CELSR1: variants seen among roughly 807,000 people sequenced by gnomAD.
The protein encoded by CELSR1 is cadherin EGF LAG seven-pass G-type receptor 1.
A neutral mutation model predicts 249.1 loss-of-function variants in CELSR1; 110 were observed. The observed-to-expected ratio is 0.44, with a 90% CI of 0.38 to 0.52. CELSR1 has a LOEUF of 0.52. Among genes scored for constraint, CELSR1 ranks in the 20% least tolerant of loss-of-function variants. CELSR1 has a pLI of 0.00. For missense variants in CELSR1, 4,109 were observed against 4,296.4 expected, an observed-to-expected ratio of 0.96 and a Z score of 1.22; for synonymous variants, 2,113 against 1,900.0, an observed-to-expected ratio of 1.11 and a Z score of -2.92.
At position 46,410,962 on chromosome 22, in the gene CELSR1, C is replaced by A. The variant is rs1379688173; in HGVS notation, c.4770-401G>T. ...GCCAGAAGAAAATGAGAACCCAGCACTTTGGGAGGCTGAGGCGGGCAGATC... is the reference window on the plus strand; with the variant it reads ...GCCAGAAGAAAATGAGAACCCAGCAATTTGGGAGGCTGAGGCGGGCAGATC... On this transcript the variant is annotated intron_variant, in intron 6 of 34. Coordinates refer to ENST00000674500, the MANE Select transcript of CELSR1 (RefSeq NM_001378328.1). This position sits in a 1 kb window ranked among gnomAD's most constrained non-coding sequence, Gnocchi z 6.8. Among the ~76,000 whole-genome samples the A allele has an allele frequency of 6.6e-6, 1 of 152,108 alleles. No homozygotes were observed. The highest frequency in any genetic ancestry group is 2.4e-5 in the African/African-American group (1 of 41,422).
At position 46,391,531 on chromosome 22, in the gene CELSR1, C is replaced by T; in HGVS notation, c.6148+102G>A. On this transcript the variant is annotated intron_variant, in intron 15 of 34. Coordinates refer to ENST00000674500, the MANE Select transcript of CELSR1 (RefSeq NM_001378328.1). This position sits in a 1 kb window ranked among gnomAD's most constrained non-coding sequence, Gnocchi z 4.3. ...AGAGAACTCAGAACACGAGGGAGCC[C>T]AGGGTCCCCCAAACACCCAGCGTGC... The T allele has an allele frequency of 7.5e-7, 1 of 1,336,576 alleles. No homozygotes were observed. The highest frequency in any genetic ancestry group is 1.5e-5 in the African/African-American group (1 of 68,422). The allele number at this position is 1,336,576 out of a possible 1,614,324, so 82.8% of individuals were successfully genotyped here.
rs1427636957 is a variant in CELSR1, at chr22:46,490,057, A to G, written c.3545-25712T>C. On this transcript the variant is annotated intron_variant, in intron 1 of 34. Transcript: ENST00000674500. The surrounding 1 kb of genome is among the most constrained non-coding windows in gnomAD (Gnocchi z 5.2). ...TGGGAACACCTAACGTGGCCACCCCACAGGGCTGCACAGAGACCCAGTGAG... is the reference window on the plus strand; with the variant it reads ...TGGGAACACCTAACGTGGCCACCCCGCAGGGCTGCACAGAGACCCAGTGAG... 1.3e-5 allele frequency among the ~76,000 whole-genome samples: 2 copies of G among 152,174 alleles called. No individual in the cohort carries two copies. The highest frequency in any genetic ancestry group is 2.9e-5 in the Non-Finnish European group (2 of 68,034).
intron 1 of CELSR1, among the ~76,000 whole-genome samples, chr22:46,520,125 C>T (rs765331498): frequency 1.2e-4 from 18 of 152,054 alleles, no homozygotes; most frequent in Non-Finnish European, 1.8e-4. Context: ...CCACCCGCCT[C>T]GGCCTCCCAA....
At chr22:46,424,949 A>C (rs1354934893) in intron 5 of CELSR1, among the ~76,000 whole-genome samples, 3 of 152,234 alleles carry the variant, frequency 2.0e-5, no homozygotes, top group African/African-American at 7.2e-5. Flanking sequence ...CCAGCCTGGG[A>C]TACAAGGCAA....
intron 9 of CELSR1, among the ~76,000 whole-genome samples, chr22:46,400,280 G>C (rs2079197145): frequency 6.6e-6 from 1 of 151,768 alleles, no homozygotes. Context: ...AGTGAGCTGA[G>C]ATCGCAGCAT....
intron 5 of CELSR1, among the ~76,000 whole-genome samples, chr22:46,422,700 G>C (rs1221750216): frequency 1.3e-5 from 2 of 151,024 alleles, no homozygotes; most frequent in Non-Finnish European, 2.9e-5. Flanking sequence ...CCAGGAGGTG[G>C]AGCTTGCAGT....
At position 46,490,271 on chromosome 22, in the gene CELSR1, GGTTTTATTTTTATTTT is replaced by G. The variant is rs1178088929; in HGVS notation, c.3545-25942_3545-25927del. Among the ~76,000 whole-genome samples the G allele has an allele frequency of 1.6e-4, 24 of 152,066 alleles. No individual in the cohort carries two copies. The highest frequency in any genetic ancestry group is 2.6e-4 in the Non-Finnish European group (18 of 68,016). ...GGGATTCCCCAGGGTCACCTGGAGA[GGTTTTATTTTTATTTT>G]GTTTTATTTTTATTTTTGAGACAGA... On this transcript the variant is annotated intron_variant, in intron 1 of 34. Transcript: ENST00000674500. The surrounding 1 kb of genome is among the most constrained non-coding windows in gnomAD (Gnocchi z 5.2).
At chr22:46,366,854 G>GT in intron 29 of CELSR1, 139 bp downstream of exon 29, 1 of 1,237,658 alleles carries the variant, frequency 8.1e-7, no homozygotes, top group Non-Finnish European at 1.1e-6. Flanking sequence ...CAGCCACACC[G>GT]TGCACCGCGG....
intron 1 of CELSR1, among the ~76,000 whole-genome samples, chr22:46,524,574 GT>G (rs2080720442): frequency 1.1e-4 from 6 of 53,138 alleles, no homozygotes; most frequent in African/African-American, 1.9e-4. Context: ...GTGTGTGTCT[GT>G]CTGTCTGTGT....
chr22:46,378,649 G>A lies in CELSR1; in HGVS notation c.7325C>T (p.Ala2442Val), dbSNP rs1369072961. 2 of 1,608,020 alleles carry A rather than the reference G, an allele frequency of 1.2e-6. No individual in the cohort carries two copies. Among genetic ancestry groups the A allele is most frequent in the Non-Finnish European group, 1.7e-6 (2 of 1,178,402 alleles). ...ELLSRNRTHV[A>V]CQCSHTASFA... ...GCTGGCTGTGTGGCTGCACTGGCAGGCGACATGTGTCCGGTTCCTGGACAG... is the reference window on the plus strand; with the variant it reads ...GCTGGCTGTGTGGCTGCACTGGCAGACGACATGTGTCCGGTTCCTGGACAG... The change falls in exon 23 of 35, where the codon GCC (alanine) becomes GTC (valine). Residue 2442 changes from alanine to valine, a missense_variant. Physicochemically the swap from Ala to Val is moderately conservative, Grantham distance 64. Around this residue, in one of 7 missense-constraint regions of CELSR1, gnomAD observed 1,805 missense variants for 1,831.6 expected, o/e 0.99. Coordinates refer to ENST00000674500, the MANE Select transcript of CELSR1 (RefSeq NM_001378328.1).
intron 1 of CELSR1, among the ~76,000 whole-genome samples, chr22:46,532,185 AACCCTATTATTG>A (rs2080798673): frequency 6.6e-6 from 1 of 152,200 alleles, no homozygotes; most frequent in Non-Finnish European, 1.5e-5. Context: ...ATTAAATCTA[AACCCTATTATTG>A]GGCCAAGTCA....
chr22:46,369,822 G>GT lies in CELSR1; in HGVS notation c.7760-19_7760-18insA. On this transcript the variant is annotated intron_variant, in intron 25 of 34. Transcript: ENST00000674500. Reference sequence around the variant, plus strand: ...CGCCAGTCCTGAACACAGCGGGGAGGAAGGGAAGGGTGAGGGCCACGTGCC... The same window carrying GT: ...CGCCAGTCCTGAACACAGCGGGGAGGTAAGGGAAGGGTGAGGGCCACGTGCC... 6.2e-7 allele frequency: 1 copy of GT among 1,609,554 alleles called. No homozygotes were observed. Among genetic ancestry groups the GT allele is most frequent in the Non-Finnish European group, 8.5e-7 (1 of 1,177,358 alleles).
At chr22:46,431,823 G>A (rs1265316568) in intron 5 of CELSR1, among the ~76,000 whole-genome samples, 1 of 152,160 alleles carries the variant, frequency 6.6e-6, no homozygotes, top group Non-Finnish European at 1.5e-5. Flanking sequence ...CGTCTGTGAG[G>A]GCTACCCTCT....
chr22:46,439,103 T>C lies in CELSR1; in HGVS notation c.4406+86A>G, dbSNP rs4823810. The stretch of plus-strand genomic sequence containing the variant: ...AGGCCACACACGGAGGACATCAACG[T>C]CACGATCTAGAGGGATGGGGTGCAC... On this transcript the variant is annotated intron_variant, in intron 3 of 34. Transcript: ENST00000674500. 0.028 allele frequency: 36,784 copies of C among 1,304,028 alleles called. 7,473 individuals carry two copies. The East Asian group carries it at 0.56, about 20-fold the overall frequency. 80.8% of individuals were successfully genotyped at this position (1,304,028 alleles called of 1,614,324 possible).
In CELSR1 at chr22:46,411,543, G is replaced by T. The variant is rs943151806; in HGVS notation, c.4769+59C>A. On this transcript the variant is annotated intron_variant, in intron 6 of 34. Transcript: ENST00000674500. This position sits in a 1 kb window ranked among gnomAD's most constrained non-coding sequence, Gnocchi z 4.2. ...CGTGGGGCCCTGCCCTGGGAAGGCC[G>T]CAGGGTGAGCATGTTTGGGGGTACG... 1.9e-6 allele frequency: 3 copies of T among 1,596,510 alleles called. No homozygotes were observed. The highest frequency in any genetic ancestry group is 2.6e-6 in the Non-Finnish European group (3 of 1,169,716).
At chr22:46,368,425 G>A (rs946693778) in intron 27 of CELSR1, among the ~76,000 whole-genome samples, 6 of 149,392 alleles carry the variant, frequency 4.0e-5, no homozygotes, top group Middle Eastern at 3.4e-3. Context: ...CCCCATATCC[G>A]GCCTTCCAGG....
intron 2 of CELSR1, among the ~76,000 whole-genome samples, chr22:46,450,846 C>T (rs773282446): frequency 1.4e-4 from 21 of 152,240 alleles, no homozygotes; most frequent in Non-Finnish European, 2.4e-4. Flanking sequence ...ATCCATCCCC[C>T]AAGGCAGGGA....
At chr22:46,519,814 C>G (rs1422443956) in intron 1 of CELSR1, among the ~76,000 whole-genome samples, 1 of 151,826 alleles carries the variant, frequency 6.6e-6, no homozygotes, top group African/African-American at 2.4e-5. Flanking sequence ...GTCAAATAAC[C>G]AGAGATTTGA....
intron 9 of CELSR1, among the ~76,000 whole-genome samples, chr22:46,400,951 C>CAA (rs35664137): frequency 0.045 from 6,192 of 138,562 alleles, 376 homozygotes; most frequent in African/African-American, 0.14. Flanking sequence ...GAACCTGTCT[C>CAA]AAAAAAAAAA....
Sources: gnomAD v4.1 joint callset for allele counts (sites outside exome capture counted in the v4.1 genomes callset) on GRCh38, gnomAD v4.1.1 for gene constraint, gnomAD v4.1.1 regional missense constraint, Gnocchi (gnomAD v3.1) non-coding constraint, MANE v1.5 for transcripts, NCBI Gene and HGNC (gene_info 2026-07-23, HGNC 2026-07-21) for gene names.